Variants in CNTNAP5 observed in about 807,000 individuals in gnomAD.
The protein encoded by CNTNAP5 is contactin associated protein family member 5, also known as contactin-associated protein-like 5.
CNTNAP5 carries 72 observed loss-of-function variants against 150.2 expected under a neutral mutation model. The ratio of observed to expected loss-of-function variants is 0.48; its 90% CI spans 0.40 to 0.58. The LOEUF is 0.58. CNTNAP5 is among the 20% of genes least tolerant of loss of function. The pLI is 0.00. For missense variants in CNTNAP5, 1,636 were observed against 1,626.2 expected (o/e 1.01, Z -0.10); for synonymous variants, 672 against 619.8 (o/e 1.08, Z -1.25).
chr2:124,732,059 A>G (rs1680283706), intron 13 of CNTNAP5, among the ~76,000 whole-genome samples: 1 of 152,166 alleles, frequency 6.6e-6, no homozygotes, highest in Non-Finnish European at 1.5e-5. Flanking sequence ...TTAGACAAAG[A>G]AATTTTTAAA....
chr2:124,375,395 C>T (rs1450698228), intron 3 of CNTNAP5, among the ~76,000 whole-genome samples: 1 of 152,118 alleles, frequency 6.6e-6, no homozygotes, highest in African/African-American at 2.4e-5. Context: ...AATGTCACTT[C>T]TGTGGCCTTC....
intron 3 of CNTNAP5, among the ~76,000 whole-genome samples, chr2:124,368,175 C>T (rs1408625602): frequency 2.0e-5 from 3 of 152,092 alleles, no homozygotes; most frequent in Non-Finnish European, 4.4e-5. Context: ...TAGTGCAATC[C>T]TGATATTATG....
intron 3 of CNTNAP5, among the ~76,000 whole-genome samples, chr2:124,382,087 A>C (rs1191317600): frequency 1.3e-5 from 2 of 152,156 alleles, no homozygotes; most frequent in Non-Finnish European, 2.9e-5. Context: ...TGCCCAAATA[A>C]ATAACCTAGT....
At chr2:124,690,749 C>G (rs1409383606) in intron 13 of CNTNAP5, among the ~76,000 whole-genome samples, 2 of 152,092 alleles carry the variant, frequency 1.3e-5, no homozygotes, top group Non-Finnish European at 2.9e-5. Context: ...CCTCCTTAGG[C>G]ATTAAGATTT....
intron 3 of CNTNAP5, among the ~76,000 whole-genome samples, chr2:124,299,350 C>A (rs1168545948): frequency 6.6e-6 from 1 of 152,144 alleles, no homozygotes; most frequent in Non-Finnish European, 1.5e-5. Flanking sequence ...CACCCTCCAC[C>A]CTCCAAAAGG....
intron 15 of CNTNAP5, 39 bp downstream of exon 15, chr2:124,763,838 C>T: frequency 6.2e-7 from 1 of 1,611,644 alleles, no homozygotes; most frequent in Non-Finnish European, 8.5e-7. Context: ...CTCTGCATTA[C>T]ATGAGCACAA....
intron 4 of CNTNAP5, among the ~76,000 whole-genome samples, chr2:124,430,619 C>G (rs1383128220): frequency 1.3e-5 from 2 of 152,162 alleles, no homozygotes; most frequent in Non-Finnish European, 2.9e-5. Context: ...CAATGAAATA[C>G]TTTAGCAATG....
At chr2:124,637,301 T>A (rs1395657711) in intron 12 of CNTNAP5, among the ~76,000 whole-genome samples, 1 of 152,168 alleles carries the variant, frequency 6.6e-6, no homozygotes, top group Non-Finnish European at 1.5e-5. Flanking sequence ...GTTGGTTGGT[T>A]TTCATGACAT....
At chr2:124,212,337 G>A (rs1686035309) in intron 1 of CNTNAP5, among the ~76,000 whole-genome samples, 1 of 152,122 alleles carries the variant, frequency 6.6e-6, no homozygotes, top group Admixed American at 6.5e-5. Context: ...TGTGCTGTGA[G>A]AAGTGTTAAT....
chr2:124,277,227 A>G (rs1687904614), intron 3 of CNTNAP5, among the ~76,000 whole-genome samples: 1 of 152,190 alleles, frequency 6.6e-6, no homozygotes, highest in Non-Finnish European at 1.5e-5. Context: ...CCAGCAATGC[A>G]CATCGCCATG....
At chr2:124,342,095 T>C (rs1166019514) in intron 3 of CNTNAP5, among the ~76,000 whole-genome samples, 2 of 152,174 alleles carry the variant, frequency 1.3e-5, no homozygotes, top group African/African-American at 4.8e-5. Flanking sequence ...GGGTATATTA[T>C]AGTTTTCTTC....
At chr2:124,567,829 CATAGATGATAG>C (rs1297391078) in intron 11 of CNTNAP5, among the ~76,000 whole-genome samples, 1 of 140,644 alleles carries the variant, frequency 7.1e-6, no homozygotes, top group Non-Finnish European at 1.5e-5. Context: ...GATATTAGGG[CATAGATGATAG>C]ATAGATAGAT....
rs1056494592 is a variant in CNTNAP5, at chr2:124,295,310, G to A, written c.381+52917G>A. 1.1e-4 allele frequency among the ~76,000 whole-genome samples: 8 copies of A among 75,270 alleles called. No homozygotes were observed. In the East Asian group the frequency reaches 1.8e-3, roughly 17 times the overall value. The allele number at this position is 75,270 out of a possible 152,430, so 49.4% of individuals were successfully genotyped here. A position where few individuals can be genotyped will look rare whatever the true frequency, so the allele number is the denominator to read the frequency against. ...CATGTTTGGCAGAGGTGGGAGAGTC[G>A]TTTATATGGAATGGATTATGTGGTG... On this transcript the variant is annotated intron_variant, in intron 3 of 23. Transcript: ENST00000682447.
At chr2:124,216,834 G>C (rs1025335987) in intron 1 of CNTNAP5, among the ~76,000 whole-genome samples, 11 of 152,108 alleles carry the variant, frequency 7.2e-5, no homozygotes, top group African/African-American at 1.7e-4. Flanking sequence ...ATTGTGAATA[G>C]TGCCTCAATA....
At chr2:124,414,912 G>A (rs1691878753) in intron 3 of CNTNAP5, among the ~76,000 whole-genome samples, 1 of 152,064 alleles carries the variant, frequency 6.6e-6, no homozygotes, top group African/African-American at 2.4e-5. Context: ...TGAGAGTGCT[G>A]AAGAGAAGGT....
Position 124,124,925 on chromosome 2 carries a change from G to T in CNTNAP5, c.83-96780G>T, listed in dbSNP as rs919295282. ...GCTTCTGAAGGAAGCACTAAACATA[G>T]AAAGGAACAACCAGTATGAGCCACT... On this transcript the variant is annotated intron_variant, in intron 1 of 23. Transcript: ENST00000682447. Among the ~76,000 whole-genome samples the T allele has an allele frequency of 3.3e-5, 5 of 152,254 alleles. No individual in the cohort carries two copies. In the East Asian group the frequency reaches 9.7e-4, roughly 29 times the overall value.
At chr2:124,420,975 A>T (rs957956960) in intron 4 of CNTNAP5, among the ~76,000 whole-genome samples, 2 of 152,218 alleles carry the variant, frequency 1.3e-5, no homozygotes, top group Non-Finnish European at 2.9e-5. Flanking sequence ...TGGACACTTA[A>T]TGTTTCTTAA....
chr2:124,178,834 C>G (rs1685131486), intron 1 of CNTNAP5, among the ~76,000 whole-genome samples: 1 of 151,942 alleles, frequency 6.6e-6, no homozygotes, highest in South Asian at 2.1e-4. Flanking sequence ...TTCATATAGC[C>G]TGTAAATAGA....
intron 6 of CNTNAP5, among the ~76,000 whole-genome samples, chr2:124,451,857 G>A (rs768239783): frequency 3.0e-4 from 45 of 152,202 alleles, no homozygotes; most frequent in Non-Finnish European, 2.2e-4. Flanking sequence ...AATTTAGAAA[G>A]CTGGGCAAAA....
Sources: allele counts gnomAD v4.1 joint callset (sites outside exome capture counted in the v4.1 genomes callset), GRCh38; gene constraint gnomAD v4.1.1; transcripts MANE v1.5; gene names NCBI Gene and HGNC (gene_info 2026-07-23, HGNC 2026-07-21).